The following BRD3 variants were observed in gnomAD, a reference collection of about 807,000 sequenced individuals.
BRD3 encodes bromodomain containing 3.
Under a neutral mutation model 66.8 loss-of-function variants are expected in BRD3, and 17 were observed. That is an observed-to-expected ratio of 0.25 (90% CI 0.17 to 0.38). BRD3 has a LOEUF of 0.38. Among genes scored for constraint, BRD3 ranks in the 10% least tolerant of loss-of-function variants. BRD3 has a pLI of 1.00. For synonymous variants in BRD3, 421 were observed against 393.2 expected, an observed-to-expected ratio of 1.07 and a Z score of -0.84; for missense variants, 713 against 956.1, an observed-to-expected ratio of 0.75 and a Z score of 3.35.
At chr9:134,044,465 G>T (rs747119494) in intron 7 of BRD3, among the ~76,000 whole-genome samples, 3 of 152,152 alleles carry the variant, frequency 2.0e-5, no homozygotes, top group Non-Finnish European at 4.4e-5. Context: ...CCCGTGAAAA[G>T]GAAAAGCATG....
intron 1 of BRD3, 27 bp from the exon 2 acceptor site, chr9:134,053,617 G>C: frequency 2.1e-5 from 30 of 1,433,692 alleles, no homozygotes; most frequent in Non-Finnish European, 2.7e-5. Context: ...ACAACAGAGA[G>C]GAAGGCCAGT....
At chr9:134,049,599 C>T (rs1028693837) in intron 5 of BRD3, among the ~76,000 whole-genome samples, 3 of 152,230 alleles carry the variant, frequency 2.0e-5, no homozygotes, top group African/African-American at 7.2e-5. Context: ...CTGGGGGAGG[C>T]GGCTTGACCA....
chr9:134,031,634 A>G lies in BRD3; in HGVS notation c.*1956T>C, dbSNP rs1300213441. 1 of 213,922 alleles carries G rather than the reference A, an allele frequency of 4.7e-6. No individual in the cohort carries two copies. The highest frequency in any genetic ancestry group is 2.3e-5 in the African/African-American group (1 of 44,290). 13.3% of individuals were successfully genotyped at this position (213,922 alleles called of 1,614,324 possible). A position where few individuals can be genotyped will look rare whatever the true frequency, so the allele number is the denominator to read the frequency against. On this transcript the variant is annotated 3_prime_UTR_variant, in exon 12 of 12. Coordinates refer to ENST00000303407, the MANE Select transcript of BRD3 (RefSeq NM_007371.4). Reference sequence around the variant, plus strand: ...ACTCACCAGCAATTTAAAAAATGATAATTTACCAGCATCTCCTCATCAGAG... The same window carrying G: ...ACTCACCAGCAATTTAAAAAATGATGATTTACCAGCATCTCCTCATCAGAG...
At chr9:134,051,478 T>A (rs1009167234) in intron 4 of BRD3, 84 bp downstream of exon 4, 17 of 1,364,618 alleles carry the variant, frequency 1.2e-5, no homozygotes, top group Non-Finnish European at 1.6e-5. Context: ...ACAGCTCAGA[T>A]GGCTAAAGGA....
At chr9:134,044,580 T>TG (rs140303679) in intron 7 of BRD3, among the ~76,000 whole-genome samples, 2,438 of 152,254 alleles carry the variant, frequency 0.016, 54 homozygotes, top group African/African-American at 0.054. Context: ...GCAAACCACC[T>TG]GCGATCACAA....
rs1463839519 is a variant in BRD3 at position 134,051,882 on chromosome 9, T to A, written c.352-173A>T. Among the ~76,000 whole-genome samples, 195 of 56,584 alleles carry A rather than the reference T, an allele frequency of 3.4e-3. 6 individuals are homozygous for A. Among genetic ancestry groups the A allele is most frequent in the African/African-American group, 0.013 (177 of 13,358 alleles). The allele number at this position is 56,584 out of a possible 152,430, so 37.1% of individuals were successfully genotyped here. On this transcript the variant is annotated intron_variant, in intron 3 of 11. Coordinates refer to ENST00000303407, the MANE Select transcript of BRD3 (RefSeq NM_007371.4). ...GTGTGTGTGTGTGTGTGTGTGTTGT[T>A]TTTTTTGTTTTTTTTTTTTTTTTTT...
intron 3 of BRD3, among the ~76,000 whole-genome samples, 172 bp from the exon 4 acceptor site, chr9:134,051,881 T>TG (rs1564555879): frequency 1.4e-3 from 71 of 51,752 alleles, no homozygotes; most frequent in African/African-American, 6.8e-3. Flanking sequence ...GTGTGTGTTG[T>TG]TTTTTTTGTT....
At chr9:134,065,228 G>T (rs1477018921) in intron 1 of BRD3, among the ~76,000 whole-genome samples, 1 of 152,168 alleles carries the variant, frequency 6.6e-6, no homozygotes, top group African/African-American at 2.4e-5. Flanking sequence ...TTCGAGACCA[G>T]CCTGTCCAAC....
chr9:134,042,818 C>T (rs1402435030), intron 7 of BRD3, among the ~76,000 whole-genome samples: 4 of 129,248 alleles, frequency 3.1e-5, no homozygotes, highest in East Asian at 2.3e-4. Context: ...CACACACACA[C>T]ATTTTTAAGT....
At chr9:134,042,110 T>C (rs899068165) in intron 7 of BRD3, among the ~76,000 whole-genome samples, 159 bp from the exon 8 acceptor site, 2 of 152,128 alleles carry the variant, frequency 1.3e-5, no homozygotes, top group Non-Finnish European at 2.9e-5. Context: ...TGGGGGGCTG[T>C]GGTTGCTTCC....
intron 10 of BRD3, among the ~76,000 whole-genome samples, chr9:134,035,595 A>T (rs186465739): frequency 2.8e-4 from 42 of 152,286 alleles, no homozygotes; most frequent in Non-Finnish European, 2.9e-5. Flanking sequence ...GTTATAAGAC[A>T]AGCTGGTCTG....
rs1055153558 is a variant in BRD3 at position 134,032,460 on chromosome 9, AC to A, written c.*1129del. On this transcript the variant is annotated 3_prime_UTR_variant, in exon 12 of 12. Coordinates refer to ENST00000303407, the MANE Select transcript of BRD3 (RefSeq NM_007371.4). ...CATACAAAAAAAAAAAAAAAAAAAAACCACAAAGAAAAAAACCAAAAAACCC... is the reference window on the plus strand; with the variant it reads ...CATACAAAAAAAAAAAAAAAAAAAAACACAAAGAAAAAAACCAAAAAACCC... 5.1e-5 allele frequency: 11 copies of A among 215,164 alleles called. No individual in the cohort carries two copies. The highest frequency in any genetic ancestry group is 1.9e-4 in the South Asian group (1 of 5,198). The allele number at this position is 215,164 out of a possible 1,614,324, so 13.3% of individuals were successfully genotyped here. A position where few individuals can be genotyped will look rare whatever the true frequency, so the allele number is the denominator to read the frequency against.
intron 9 of BRD3, among the ~76,000 whole-genome samples, chr9:134,037,416 C>G (rs1283263799): frequency 6.6e-6 from 1 of 151,770 alleles, no homozygotes; most frequent in African/African-American, 2.4e-5. Flanking sequence ...ACTAAAAATA[C>G]AAAAATGAGC....
intron 1 of BRD3, among the ~76,000 whole-genome samples, chr9:134,061,708 A>G (rs1050300702): frequency 2.0e-5 from 3 of 152,160 alleles, no homozygotes; most frequent in African/African-American, 7.2e-5. Context: ...CCATAAGTGG[A>G]GGGGACGCTC....
intron 9 of BRD3, among the ~76,000 whole-genome samples, chr9:134,037,709 T>G (rs1305943535): frequency 2.3e-5 from 2 of 85,384 alleles, no homozygotes; most frequent in African/African-American, 3.0e-5. Context: ...AAGTAAAAAT[T>G]TTTTTTAAAA....
rs1046778096 is a variant in BRD3, at chr9:134,033,167, T to C, written c.*423A>G. On this transcript the variant is annotated 3_prime_UTR_variant, in exon 12 of 12. Transcript: ENST00000303407. The surrounding 1 kb of genome is among the most constrained non-coding windows in gnomAD (Gnocchi z 5.1). ...GCCCAAATGACAAGGACAATGCGTG[T>C]TGACAAAGCTAACAGCTTTCAAATA... The C allele has an allele frequency of 1.0e-5, 4 of 401,322 alleles. No homozygotes were observed. In the Admixed American group the frequency reaches 1.3e-4, roughly 13 times the overall value. 24.9% of individuals were successfully genotyped at this position (401,322 alleles called of 1,614,324 possible). A position where few individuals can be genotyped will look rare whatever the true frequency, so the allele number is the denominator to read the frequency against.
chr9:134,067,698 G>A (rs573746076), intron 1 of BRD3, among the ~76,000 whole-genome samples: 141 of 145,948 alleles, frequency 9.7e-4, no homozygotes, highest in Middle Eastern at 3.5e-3. Flanking sequence ...GCGGGAGGAG[G>A]GGAGCGGAGC....
At chr9:134,034,436 T>TGG in intron 11 of BRD3, 1 of 459,012 alleles carries the variant, frequency 2.2e-6, no homozygotes, top group Non-Finnish European at 3.9e-6. Flanking sequence ...AGCCCTCTCC[T>TGG]GGGGGGTCCT....
intron 9 of BRD3, chr9:134,036,548 A>C (rs1234774922): frequency 6.2e-7 from 1 of 1,610,228 alleles, no homozygotes; most frequent in Non-Finnish European, 8.5e-7. Context: ...GTTCCTCTCT[A>C]CACCCCATAG....
Sources: gnomAD v4.1 joint callset for allele counts (sites outside exome capture counted in the v4.1 genomes callset) on GRCh38, gnomAD v4.1.1 for gene constraint, Gnocchi (gnomAD v3.1) non-coding constraint, MANE v1.5 for transcripts, NCBI Gene and HGNC (gene_info 2026-07-23, HGNC 2026-07-21) for gene names.